C19orf47: variants seen among roughly 807,000 people sequenced by gnomAD.
C19orf47 encodes chromosome 19 open reading frame 47.
Under a neutral mutation model 32.3 loss-of-function variants are expected in C19orf47, and 18 were observed. The observed-to-expected ratio is 0.56, with a 90% CI of 0.39 to 0.83. The LOEUF is 0.83. Ranked by LOEUF, C19orf47 falls within the 40% of genes least tolerant of loss-of-function variation. The probability of loss-of-function intolerance (pLI) is 0.00; values close to 1 mark genes in which losing one functional copy is unlikely to be tolerated. For missense variants in C19orf47, 484 were observed against 531.6 expected (o/e 0.91, Z 0.88); for synonymous variants, 202 against 211.1 (o/e 0.96, Z 0.37).
At chr19:40,335,579 C>CA (rs1482036920) in intron 4 of C19orf47, among the ~76,000 whole-genome samples, 2 of 149,842 alleles carry the variant, frequency 1.3e-5, no homozygotes, top group African/African-American at 4.9e-5. Context: ...GACACCGTCT[C>CA]AAAAAAATAT....
At chr19:40,342,638 C>T (rs538571770) in intron 1 of C19orf47, among the ~76,000 whole-genome samples, 2 of 152,214 alleles carry the variant, frequency 1.3e-5, no homozygotes, top group South Asian at 2.1e-4. Context: ...ACGGAGAAGA[C>T]ATGGAGGACC....
At chr19:40,328,846 T>A (rs1200246353) in intron 5 of C19orf47, among the ~76,000 whole-genome samples, 1 of 152,122 alleles carries the variant, frequency 6.6e-6, no homozygotes, top group East Asian at 1.9e-4. Flanking sequence ...CTGAGTTCGC[T>A]TCGCCCCTCC....
At chr19:40,345,477 T>A (rs891315475) in intron 1 of C19orf47, among the ~76,000 whole-genome samples, 2 of 145,928 alleles carry the variant, frequency 1.4e-5, no homozygotes, top group Non-Finnish European at 3.0e-5. Flanking sequence ...AGCAGGAGGA[T>A]CTCTGGAGCC....
the C19orf47 span, among the ~76,000 whole-genome samples, chr19:40,294,347 CTTTTCT>C: frequency 6.6e-6 from 1 of 152,120 alleles, no homozygotes; most frequent in Admixed American, 6.6e-5. Flanking sequence ...GTCTTTTTCC[CTTTTCT>C]AAGTTTGGAT....
chr19:40,305,144 A>G, the C19orf47 span, among the ~76,000 whole-genome samples: 1 of 152,146 alleles, frequency 6.6e-6, no homozygotes, highest in African/African-American at 2.4e-5. Context: ...GGAGTTCGAC[A>G]CCAGCCTGGC....
intron 2 of C19orf47, among the ~76,000 whole-genome samples, chr19:40,341,499 A>G (rs2078176631): frequency 6.6e-6 from 1 of 152,332 alleles, no homozygotes; most frequent in East Asian, 1.9e-4. Flanking sequence ...AACTATGCCC[A>G]AGCTTTTACA....
At chr19:40,338,874 T>G (rs2078123053) in intron 2 of C19orf47, among the ~76,000 whole-genome samples, 1 of 152,186 alleles carries the variant, frequency 6.6e-6, no homozygotes, top group Non-Finnish European at 1.5e-5. Flanking sequence ...ATTATGGTGA[T>G]GGCTGCACAA....
At chr19:40,300,802 T>C in the C19orf47 span, among the ~76,000 whole-genome samples, 17 of 152,280 alleles carry the variant, frequency 1.1e-4, no homozygotes, top group South Asian at 2.1e-4. Context: ...CTTATGATTA[T>C]AACATTGGAC....
Position 40,319,831 on chromosome 19 carries a change from C to G in C19orf47, c.*2051G>C, listed in dbSNP as rs1012091730. The G allele has an allele frequency of 6.5e-6, 1 of 153,656 alleles. No homozygotes were observed. The highest frequency in any genetic ancestry group is 6.6e-5 in the Admixed American group (1 of 15,264). The allele number at this position is 153,656 out of a possible 1,614,324, so 9.5% of individuals were successfully genotyped here. On this transcript the variant is annotated 3_prime_UTR_variant, in exon 9 of 9. Coordinates refer to ENST00000683109, the MANE Select transcript of C19orf47 (RefSeq NM_001256441.2). ...GATTACAAGCGTAAGCCACCACGCC[C>G]AGCCAAGGCCCTTGGCTTTGATTCC...
At chr19:40,323,470 A>G (rs1409221885) in intron 8 of C19orf47, among the ~76,000 whole-genome samples, 2 of 152,200 alleles carry the variant, frequency 1.3e-5, no homozygotes, top group Non-Finnish European at 2.9e-5. Flanking sequence ...CCGCGGCAGG[A>G]AGTACAGGCT....
intron 6 of C19orf47, 84 bp from the exon 7 acceptor site, chr19:40,326,570 T>G: frequency 3.4e-6 from 5 of 1,470,958 alleles, no homozygotes; most frequent in South Asian, 1.3e-5. Context: ...GTGTCCTTTA[T>G]CTCCACACAT....
At chr19:40,315,311 C>A (rs2077654495), downstream of C19orf47, among the ~76,000 whole-genome samples, 1 of 152,158 alleles carries the variant, frequency 6.6e-6, no homozygotes, top group Non-Finnish European at 1.5e-5. Flanking sequence ...GGGTATACAG[C>A]AGCTCTCTGC....
the C19orf47 span, among the ~76,000 whole-genome samples, chr19:40,312,452 G>A: frequency 1.3e-5 from 2 of 152,180 alleles, no homozygotes; most frequent in Non-Finnish European, 2.9e-5. Context: ...GGCTGAGGCA[G>A]GAGAATGGCG....
chr19:40,293,389 G>A, the C19orf47 span, among the ~76,000 whole-genome samples: 35 of 151,700 alleles, frequency 2.3e-4, no homozygotes, highest in African/African-American at 6.3e-4. Context: ...CAAGTGATCC[G>A]CCCGCCTCAG....
intron 2 of C19orf47, among the ~76,000 whole-genome samples, chr19:40,340,704 C>T (rs1014190159): frequency 1.3e-5 from 2 of 151,170 alleles, no homozygotes; most frequent in Non-Finnish European, 2.9e-5. Flanking sequence ...ACAGGCCAGG[C>T]GCAGTGGCTC....
rs374124296 is a variant in C19orf47 at position 40,336,349 on chromosome 19, G to A, written c.78C>T (p.Val26=). The A allele has an allele frequency of 7.4e-5, 119 of 1,614,184 alleles. No individual in the cohort carries two copies. The highest frequency in any genetic ancestry group is 6.9e-4 in the South Asian group (63 of 91,070). The change falls in exon 3 of 9, where the codon GTC becomes GTT. Residue 26 remains valine (V), a synonymous_variant. Coordinates refer to ENST00000683109, the MANE Select transcript of C19orf47 (RefSeq NM_001256441.2). ...TATCCACAAACATCACGGCATAATTGACGGCAGGTCCTGGAGGAATGCCGG... is the reference window on the plus strand; with the variant it reads ...TATCCACAAACATCACGGCATAATTAACGGCAGGTCCTGGAGGAATGCCGG... ...KEAGIPPGPA[V]NYAVMFVDNR...
rs2077717115 is a variant in C19orf47 at position 40,321,492 on chromosome 19, C to T, written c.*390G>A. The stretch of plus-strand genomic sequence containing the variant: ...GAAGGGAGGCCCACCAGGTGACACC[C>T]ACTTAGTTGAGGGGGACAGGGAGGC... On this transcript the variant is annotated 3_prime_UTR_variant, in exon 9 of 9. Coordinates refer to ENST00000683109, the MANE Select transcript of C19orf47 (RefSeq NM_001256441.2). 2.0e-6 allele frequency: 2 copies of T among 1,018,532 alleles called. No individual in the cohort carries two copies. The highest frequency in any genetic ancestry group is 3.4e-5 in the African/African-American group (2 of 57,998). The allele number at this position is 1,018,532 out of a possible 1,614,324, so 63.1% of individuals were successfully genotyped here.
chr19:40,302,943 A>G, the C19orf47 span, among the ~76,000 whole-genome samples: 1 of 152,186 alleles, frequency 6.6e-6, no homozygotes, highest in Non-Finnish European at 1.5e-5. Context: ...CATGCCTACC[A>G]ATATACAAAC....
chr19:40,300,572 A>T, the C19orf47 span, among the ~76,000 whole-genome samples: 1 of 152,244 alleles, frequency 6.6e-6, no homozygotes, highest in Non-Finnish European at 1.5e-5. Context: ...TTACTATGTT[A>T]ACATGATATA....
Sources: gnomAD v4.1 joint callset for allele counts (sites outside exome capture counted in the v4.1 genomes callset) on GRCh38, gnomAD v4.1.1 for gene constraint, MANE v1.5 for transcripts, NCBI Gene and HGNC (gene_info 2026-07-23, HGNC 2026-07-21) for gene names.